BCCIP: variants seen among roughly 807,000 people sequenced by gnomAD.
BCCIP encodes BRCA2 and CDKN1A-interacting protein.
BCCIP carries 23 observed loss-of-function variants against 32.8 expected under a neutral mutation model. The observed-to-expected ratio is 0.70, with a 90% CI of 0.51 to 0.99. BCCIP has a LOEUF of 0.99. BCCIP is among the 50% of genes least tolerant of loss of function. The pLI, the probability that BCCIP is intolerant of heterozygous loss-of-function variation, is 0.00. For missense variants in BCCIP, 378 were observed against 379.8 expected (o/e 1.00, Z 0.04); for synonymous variants, 144 against 137.6 (o/e 1.05, Z -0.33).
At chr10:125,840,684 C>T (rs1854852811), downstream of BCCIP, among the ~76,000 whole-genome samples, 1 of 152,268 alleles carries the variant, frequency 6.6e-6, no homozygotes, top group Non-Finnish European at 1.5e-5. Flanking sequence ...GAGCATCTCC[C>T]ACTCTGCAGA....
At chr10:125,834,820 A>ACAAC (rs1175894128) in intron 6 of BCCIP, among the ~76,000 whole-genome samples, 5 of 58,478 alleles carry the variant, frequency 8.6e-5, no homozygotes, top group Non-Finnish European at 2.0e-4. Flanking sequence ...TCAAAAACAA[A>ACAAC]CAAACAAACA....
At chr10:125,840,280 G>A (rs1360783248), downstream of BCCIP, among the ~76,000 whole-genome samples, 1 of 152,096 alleles carries the variant, frequency 6.6e-6, no homozygotes, top group Non-Finnish European at 1.5e-5. Context: ...TGCCCTTCAG[G>A]CATACAAAGG....
At chr10:125,827,108 A>G (rs944759638) in intron 2 of BCCIP, among the ~76,000 whole-genome samples, 1 of 150,854 alleles carries the variant, frequency 6.6e-6, no homozygotes, top group Non-Finnish European at 1.5e-5. Flanking sequence ...ATTTCCTTTC[A>G]TCTGCTAATT....
downstream of BCCIP, chr10:125,841,520 A>G (rs1370236696): frequency 1.4e-6 from 2 of 1,433,444 alleles, no homozygotes; most frequent in East Asian, 5.1e-5. Context: ...TGATGTATAA[A>G]TTTGCTGAAC....
At chr10:125,837,230 C>G (rs1393860360), downstream of BCCIP, among the ~76,000 whole-genome samples, 1 of 152,162 alleles carries the variant, frequency 6.6e-6, no homozygotes, top group Non-Finnish European at 1.5e-5. Context: ...CTTATTTTAA[C>G]TAGTACCACT....
At chr10:125,833,626 A>G (rs1211862797) in intron 5 of BCCIP, 146 bp from the exon 6 acceptor site, 1 of 678,896 alleles carries the variant, frequency 1.5e-6, no homozygotes, top group Non-Finnish European at 2.5e-6. Context: ...AATAAAAATC[A>G]TTCCTGTAGA....
At chr10:125,841,861 A>T in exon 7 of BCCIP, 1 of 1,613,864 alleles carries the variant, frequency 6.2e-7, no homozygotes. Flanking sequence ...TTCCAAATTC[A>T]GAAAGATTTC....
intron 7 of BCCIP, among the ~76,000 whole-genome samples, chr10:125,851,576 A>G (rs1564825936): frequency 6.6e-6 from 1 of 152,178 alleles, no homozygotes; most frequent in Non-Finnish European, 1.5e-5. Flanking sequence ...AGCAATTTTC[A>G]AAAATGAAAC....
intron 6 of BCCIP, among the ~76,000 whole-genome samples, chr10:125,834,957 C>T (rs552776394): frequency 9.4e-5 from 14 of 149,546 alleles, no homozygotes; most frequent in Non-Finnish European, 1.9e-4. Context: ...ATGGTGAAAC[C>T]CCGTCTCTAC....
At chr10:125,835,983 T>C in intron 6 of BCCIP, 121 bp from the exon 7 acceptor site, 1 of 928,684 alleles carries the variant, frequency 1.1e-6, no homozygotes, top group Non-Finnish European at 1.6e-6. Context: ...GAGTTTTGCT[T>C]TTTTTTAGCT....
In BCCIP at chr10:125,832,505, G is replaced by C. The variant is rs79542509; in HGVS notation, c.599+898G>C. ...TCTCCTGCTCCCTGCTCTCTCAGCT[G>C]TAGCTCAGATTGTGCTTCTGGTGCC... On this transcript the variant is annotated intron_variant, in intron 5 of 6. Transcript: ENST00000278100. Among the ~76,000 whole-genome samples the C allele has an allele frequency of 2.0e-3, 306 of 152,240 alleles. 2 individuals carry two copies. Among genetic ancestry groups the C allele is most frequent in the African/African-American group, 7.1e-3 (294 of 41,536 alleles).
chr10:125,833,715 G>A (rs1417696921), intron 5 of BCCIP, 57 bp from the exon 6 acceptor site: 3 of 1,594,436 alleles, frequency 1.9e-6, no homozygotes, highest in Non-Finnish European at 2.6e-6. Context: ...GCTCTGGTTT[G>A]TTGATGGATT....
chr10:125,833,947 G>T lies in BCCIP; in HGVS notation c.774+1G>T. On this transcript the variant is annotated splice_donor_variant, in intron 6 of 6. Coordinates refer to ENST00000278100, the MANE Select transcript of BCCIP (RefSeq NM_078468.3). LOFTEE classifies it high-confidence loss of function. ...TGCAGAGGAAGAATTTTTCTATGAGGTAAGACTATCCTGCTTATTTGTTTA... is the reference window on the plus strand; with the variant it reads ...TGCAGAGGAAGAATTTTTCTATGAGTTAAGACTATCCTGCTTATTTGTTTA... 1.9e-6 allele frequency: 3 copies of T among 1,613,812 alleles called. No individual in the cohort carries two copies. The highest frequency in any genetic ancestry group is 1.7e-6 in the Non-Finnish European group (2 of 1,179,736).
chr10:125,835,271 A>G (rs554986690), intron 6 of BCCIP, among the ~76,000 whole-genome samples: 72 of 152,126 alleles, frequency 4.7e-4, no homozygotes, highest in African/African-American at 1.6e-3. Flanking sequence ...CAGGAAGTAA[A>G]TAGTAAACAT....
At chr10:125,833,141 A>G (rs1854566386) in intron 5 of BCCIP, among the ~76,000 whole-genome samples, 1 of 152,112 alleles carries the variant, frequency 6.6e-6, no homozygotes, top group African/African-American at 2.4e-5. Flanking sequence ...AAAAAAGAAA[A>G]AAAAAAAAAA....
downstream of BCCIP, chr10:125,841,345 C>G (rs140376224): frequency 1.3e-5 from 21 of 1,613,958 alleles, no homozygotes; most frequent in Non-Finnish European, 1.7e-5. Context: ...GTCTGTTCCC[C>G]CAGTATTAGA....
exon 8 of BCCIP, chr10:125,853,223 G>A (rs779279025): frequency 2.3e-5 from 37 of 1,609,366 alleles, no homozygotes; most frequent in East Asian, 1.3e-4. Context: ...CTTCATGACT[G>A]TTGGAATTGC....
chr10:125,827,178 C>T (rs184465119), intron 2 of BCCIP, among the ~76,000 whole-genome samples: 181 of 151,322 alleles, frequency 1.2e-3, no homozygotes, highest in Non-Finnish European at 2.2e-3. Flanking sequence ...TATAACTGTG[C>T]TGTTTGGTGC....
intron 7 of BCCIP, chr10:125,852,772 C>T: frequency 1.3e-6 from 1 of 797,802 alleles, no homozygotes; most frequent in Non-Finnish European, 1.9e-6. Flanking sequence ...ATTTTCTTTG[C>T]ACGATATTTA....
Sources: gnomAD v4.1 joint callset for allele counts (sites outside exome capture counted in the v4.1 genomes callset) on GRCh38, gnomAD v4.1.1 for gene constraint, MANE v1.5 for transcripts, NCBI Gene and HGNC (gene_info 2026-07-23, HGNC 2026-07-21) for gene names.